Variants in ZHX2 observed in about 807,000 individuals in gnomAD.
The protein encoded by ZHX2 is zinc fingers and homeoboxes protein 2.
In ZHX2, 6 loss-of-function variants were observed where a neutral mutation model predicts 21.9. The observed-to-expected ratio is 0.27, with a 90% confidence interval of 0.15 to 0.54. The LOEUF is 0.54. ZHX2 is among the 20% of genes least tolerant of loss of function. The probability of loss-of-function intolerance (pLI) is 0.95; values close to 1 mark genes in which losing one functional copy is unlikely to be tolerated. For missense variants in ZHX2, 908 were observed against 1,090.7 expected, an observed-to-expected ratio of 0.83 and a Z score of 2.36; for synonymous variants, 434 against 437.1, an observed-to-expected ratio of 0.99 and a Z score of 0.09.
rs1305826807 is a variant in ZHX2 at position 122,953,686 on chromosome 8, G to A, written c.2176G>A (p.Val726Met). ...MAESPKNGGD[V>M]VPQYYKDPKK... ...CGAGAGCCCAAAGAACGGGGGTGAT[G>A]TGGTTCCACAATATTACAAGGACCC... is the stretch of plus-strand genomic sequence containing the variant. The change falls in exon 3 of 4, where the codon GTG becomes ATG. Residue 726 changes from valine to methionine, a missense_variant. Val to Met is a conservative substitution (Grantham distance 21). Transcript: ENST00000314393. The surrounding 1 kb of genome is among the most constrained non-coding windows in gnomAD (Gnocchi z 4.6). The A allele has an allele frequency of 1.5e-5, 25 of 1,614,250 alleles. No individual in the cohort carries two copies. Among genetic ancestry groups the A allele is most frequent in the Non-Finnish European group, 1.9e-5 (23 of 1,180,046 alleles).
intron 1 of ZHX2, among the ~76,000 whole-genome samples, chr8:122,852,492 A>G (rs1200776326): frequency 6.6e-6 from 1 of 152,068 alleles, no homozygotes; most frequent in Non-Finnish European, 1.5e-5. Flanking sequence ...CACTTAGCCA[A>G]AGTGACACAG....
At chr8:122,789,209 A>C (rs1290226357) in intron 1 of ZHX2, among the ~76,000 whole-genome samples, 1 of 152,188 alleles carries the variant, frequency 6.6e-6, no homozygotes, top group African/African-American at 2.4e-5. Flanking sequence ...GGATCATTGT[A>C]ATTGGGAGCC....
chr8:122,826,835 C>G (rs1818274969), intron 1 of ZHX2, among the ~76,000 whole-genome samples: 1 of 152,152 alleles, frequency 6.6e-6, no homozygotes, highest in Non-Finnish European at 1.5e-5. Flanking sequence ...GCCATTTTTA[C>G]TCTTCTGTGA....
chr8:122,820,117 T>A (rs1472021807), intron 1 of ZHX2, among the ~76,000 whole-genome samples: 1 of 151,994 alleles, frequency 6.6e-6, no homozygotes, highest in East Asian at 2.0e-4. Flanking sequence ...AAGAATACAT[T>A]TTTTTTTCCT....
chr8:122,799,859 C>CT (rs925703883), intron 1 of ZHX2, among the ~76,000 whole-genome samples: 3 of 152,050 alleles, frequency 2.0e-5, no homozygotes, highest in African/African-American at 7.2e-5. Context: ...TTTTCTTTTT[C>CT]TTTTTGCTTT....
At chr8:122,833,547 G>T (rs539377845) in intron 1 of ZHX2, among the ~76,000 whole-genome samples, 1 of 152,268 alleles carries the variant, frequency 6.6e-6, no homozygotes, top group South Asian at 2.1e-4. Flanking sequence ...ATGTTTTAAG[G>T]TGGGAGGTTG....
chr8:122,891,675 C>A (rs1338959213), intron 2 of ZHX2, among the ~76,000 whole-genome samples: 2 of 152,274 alleles, frequency 1.3e-5, no homozygotes, highest in African/African-American at 4.8e-5. Context: ...TTAACCTCTT[C>A]ATTGAACCAG....
intron 3 of ZHX2, among the ~76,000 whole-genome samples, chr8:122,955,839 A>ATTTTTTTTTTTTTTTTTTTTTTTT (rs540333833): frequency 1.9e-5 from 2 of 104,902 alleles, no homozygotes; most frequent in African/African-American, 4.2e-5. Flanking sequence ...TGAGGGAGTG[A>ATTTTTTTTTTTTTTTTTTTTTTTT]TTTTTTTTTT....
At chr8:122,825,587 C>T (rs1818245849) in intron 1 of ZHX2, among the ~76,000 whole-genome samples, 1 of 152,192 alleles carries the variant, frequency 6.6e-6, no homozygotes, top group South Asian at 2.1e-4. Flanking sequence ...TGTTTTTAGT[C>T]TCCTGACATA....
intron 1 of ZHX2, among the ~76,000 whole-genome samples, chr8:122,853,231 C>G (rs931667866): frequency 9.9e-5 from 15 of 152,124 alleles, no homozygotes; most frequent in African/African-American, 3.1e-4. Flanking sequence ...TGATACTCTC[C>G]ATGATTGGGA....
intron 2 of ZHX2, among the ~76,000 whole-genome samples, chr8:122,910,615 G>A (rs978778159): frequency 2.6e-5 from 4 of 152,130 alleles, no homozygotes; most frequent in Non-Finnish European, 5.9e-5. Flanking sequence ...CATTTTTTAT[G>A]CGTACTTTAA....
At chr8:122,812,599 C>T (rs1455548489) in intron 1 of ZHX2, among the ~76,000 whole-genome samples, 1 of 152,208 alleles carries the variant, frequency 6.6e-6, no homozygotes, top group Non-Finnish European at 1.5e-5. Context: ...CTGGGCCTCT[C>T]TTGAAGATTC....
chr8:122,880,936 C>T (rs114052239), intron 2 of ZHX2, among the ~76,000 whole-genome samples: 345 of 152,256 alleles, frequency 2.3e-3, no homozygotes, highest in African/African-American at 7.8e-3. Flanking sequence ...TTAGAGAACC[C>T]TGATTTCATG....
rs369970611 is a variant in ZHX2 at position 122,832,533 on chromosome 8, C to T, written c.-282-30944C>T. Among the ~76,000 whole-genome samples the T allele has an allele frequency of 5.9e-5, 9 of 152,038 alleles. No homozygotes were observed. In the East Asian group the frequency reaches 7.7e-4, roughly 13 times the overall value. On this transcript the variant is annotated intron_variant, in intron 1 of 3. Coordinates refer to ENST00000314393, the MANE Select transcript of ZHX2 (RefSeq NM_014943.5). ...TTGGTGAAGTCTGAGAGAGTGAGCA[C>T]GGGGGCTGAGGTGAGAGCCTTCTGG...
At chr8:122,963,874 T>G (rs1024944599) in intron 3 of ZHX2, among the ~76,000 whole-genome samples, 62 of 91,534 alleles carry the variant, frequency 6.8e-4, no homozygotes, top group Middle Eastern at 7.5e-3. Flanking sequence ...TTGGGTTTTT[T>G]TTGTTGTTGT....
intron 2 of ZHX2, among the ~76,000 whole-genome samples, chr8:122,926,558 AGTTGTT>A (rs1820860256): frequency 6.6e-6 from 1 of 152,214 alleles, no homozygotes; most frequent in East Asian, 1.9e-4. Flanking sequence ...CTGTAGTTGC[AGTTGTT>A]CGCTGTCAGG....
chr8:122,825,669 T>A (rs1200148385), intron 1 of ZHX2, among the ~76,000 whole-genome samples: 2 of 152,134 alleles, frequency 1.3e-5, no homozygotes. Flanking sequence ...CAACAAGAAG[T>A]GCATGGTTTT....
chr8:122,797,428 C>T (rs1197945528), intron 1 of ZHX2, among the ~76,000 whole-genome samples: 1 of 152,244 alleles, frequency 6.6e-6, no homozygotes, highest in Admixed American at 6.5e-5. Flanking sequence ...AAGCACATGA[C>T]CGTCGGGCCA....
chr8:122,902,381 A>G (rs1033884164), intron 2 of ZHX2, among the ~76,000 whole-genome samples: 5 of 152,240 alleles, frequency 3.3e-5, no homozygotes, highest in African/African-American at 1.2e-4. Context: ...CCTGGGTTCA[A>G]AAACAGCTGT....
Sources: gnomAD v4.1 joint callset for allele counts (sites outside exome capture counted in the v4.1 genomes callset) on GRCh38, gnomAD v4.1.1 for gene constraint, Gnocchi (gnomAD v3.1) non-coding constraint, MANE v1.5 for transcripts, NCBI Gene and HGNC (gene_info 2026-07-23, HGNC 2026-07-21) for gene names.